The following MEI4 variants were observed in gnomAD, a reference collection of about 807,000 sequenced individuals.
The protein encoded by MEI4 is meiotic double-stranded break formation protein 4.
MEI4 carries 27 observed loss-of-function variants against 31.4 expected under a neutral mutation model. The ratio of observed to expected loss-of-function variants is 0.86; its 90% CI spans 0.63 to 1.19. The LOEUF is 1.19. Among genes scored for constraint, MEI4 ranks in the 50% most tolerant of loss-of-function variants. MEI4 has a pLI of 0.00. For synonymous variants in MEI4, 122 were observed against 145.4 expected, an observed-to-expected ratio of 0.84 and a Z score of 1.16; for missense variants, 329 against 398.9, an observed-to-expected ratio of 0.82 and a Z score of 1.49.
Position 77,696,034 on chromosome 6 carries a change from TG to T in MEI4, c.232+5134del, listed in dbSNP as rs1766027587. ...TTATTCTCTTTGAAGCAATTGTGAA[TG>T]GGAGTTCACTCATGATTCGGCTCTC... On this transcript the variant is annotated intron_variant, in intron 2 of 4. Transcript: ENST00000684080. 3.9e-5 allele frequency among the ~76,000 whole-genome samples: 6 copies of T among 152,312 alleles called. No individual in the cohort carries two copies. In the South Asian group the frequency reaches 1.2e-3, roughly 32 times the overall value.
intron 2 of MEI4, among the ~76,000 whole-genome samples, chr6:77,744,697 A>G (rs2127674459): frequency 6.6e-6 from 1 of 152,314 alleles, no homozygotes; most frequent in African/African-American, 2.4e-5. Flanking sequence ...ATGAAGGAAA[A>G]ATTGTTAAGG....
intron 3 of MEI4, among the ~76,000 whole-genome samples, chr6:77,768,087 T>C (rs967131327): frequency 2.6e-5 from 4 of 152,182 alleles, no homozygotes; most frequent in Middle Eastern, 3.2e-3. Context: ...CTTCAGTTTA[T>C]AGATGAGAAA....
chr6:77,678,028 T>G (rs1768876858), intron 1 of MEI4, among the ~76,000 whole-genome samples: 1 of 152,154 alleles, frequency 6.6e-6, no homozygotes, highest in Non-Finnish European at 1.5e-5. Flanking sequence ...ATTTTCATGG[T>G]TTTAAACAAT....
chr6:77,891,851 G>A (rs949425522), intron 4 of MEI4, among the ~76,000 whole-genome samples: 2 of 152,200 alleles, frequency 1.3e-5, no homozygotes, highest in Non-Finnish European at 2.9e-5. Flanking sequence ...GGTATGCACA[G>A]TAGGTTAAAT....
intron 3 of MEI4, among the ~76,000 whole-genome samples, chr6:77,822,442 C>T (rs555118046): frequency 3.3e-5 from 5 of 152,238 alleles, no homozygotes; most frequent in African/African-American, 9.6e-5. Context: ...ACGTAATGGT[C>T]TAATTCTACT....
intron 1 of MEI4, among the ~76,000 whole-genome samples, chr6:77,684,993 C>G (rs1254854329): frequency 6.6e-6 from 1 of 152,150 alleles, no homozygotes; most frequent in Non-Finnish European, 1.5e-5. Context: ...TCCCTTTTCT[C>G]CACATCCTCA....
intron 3 of MEI4, among the ~76,000 whole-genome samples, chr6:77,799,053 C>T (rs1345131431): frequency 6.1e-4 from 93 of 152,012 alleles, no homozygotes; most frequent in African/African-American, 1.8e-3. Context: ...TTCTAGATCC[C>T]TGAGGAATCA....
chr6:77,891,450 C>G (rs1207461323), intron 4 of MEI4, among the ~76,000 whole-genome samples: 2 of 152,018 alleles, frequency 1.3e-5, no homozygotes, highest in Non-Finnish European at 2.9e-5. Flanking sequence ...ATCTCTAGTT[C>G]CAGTATTTCA....
chr6:77,680,295 A>T (rs36006271), intron 1 of MEI4, among the ~76,000 whole-genome samples: 43,416 of 151,080 alleles, frequency 0.29, 7,034 homozygotes, highest in South Asian at 0.39. Flanking sequence ...AAATAAAAAA[A>T]AAATAAAAGG....
rs746274444 is a variant in MEI4 at position 77,922,377 on chromosome 6, A to ACTAT, written c.901-709_901-706dup. Among the ~76,000 whole-genome samples, 348 of 151,830 alleles carry ACTAT rather than the reference A, an allele frequency of 2.3e-3. 1 individual carries two copies. Among genetic ancestry groups the ACTAT allele is most frequent in the Non-Finnish European group, 4.0e-3 (268 of 67,790 alleles). ...TTCCTTGACTGTGGAATAGTGATAAACTATCTGCTCACCTCATAGGGCTTC... is the reference window on the plus strand; with the variant it reads ...TTCCTTGACTGTGGAATAGTGATAAACTATCTATCTGCTCACCTCATAGGGCTTC... On this transcript the variant is annotated intron_variant, in intron 4 of 4. Coordinates refer to ENST00000684080, the MANE Select transcript of MEI4 (RefSeq NM_001322247.2).
intron 4 of MEI4, among the ~76,000 whole-genome samples, chr6:77,907,279 C>G (rs770524715): frequency 6.6e-6 from 1 of 151,952 alleles, no homozygotes; most frequent in Non-Finnish European, 1.5e-5. Flanking sequence ...AAATGCTATC[C>G]CTTCCCCCTC....
At chr6:77,652,962 G>A (rs1184990881), upstream of MEI4, among the ~76,000 whole-genome samples, 2 of 152,180 alleles carry the variant, frequency 1.3e-5, no homozygotes, top group Non-Finnish European at 1.5e-5. Flanking sequence ...ATCAAGGAAG[G>A]AATTTTCAAG....
At position 77,669,685 on chromosome 6, in the gene MEI4, C is replaced by G. The variant is rs538821329; in HGVS notation, c.-15+16593C>G. ...TACACATCCTCCTAAATATACGTGT[C>G]TGTATCGTAATAGCTAAACTTTGCA... On this transcript the variant is annotated intron_variant, in intron 1 of 4. Transcript: ENST00000684080. 8.5e-5 allele frequency among the ~76,000 whole-genome samples: 13 copies of G among 152,308 alleles called. No individual in the cohort carries two copies. The South Asian group carries it at 2.7e-3, about 32-fold the overall frequency.
chr6:77,818,292 T>C (rs1160828859), intron 3 of MEI4, among the ~76,000 whole-genome samples: 1 of 152,176 alleles, frequency 6.6e-6, no homozygotes, highest in Non-Finnish European at 1.5e-5. Flanking sequence ...AGAGAATCTT[T>C]CAAAATAGAA....
intron 4 of MEI4, among the ~76,000 whole-genome samples, chr6:77,911,082 T>C (rs1389736503): frequency 6.6e-6 from 1 of 152,096 alleles, no homozygotes; most frequent in Non-Finnish European, 1.5e-5. Flanking sequence ...GGCATGTTGG[T>C]TCATGTCCTT....
chr6:77,876,459 A>T (rs537441736), intron 4 of MEI4, among the ~76,000 whole-genome samples: 2 of 152,250 alleles, frequency 1.3e-5, no homozygotes, highest in East Asian at 3.9e-4. Flanking sequence ...CCTTCACCAG[A>T]TGCTGGCACC....
chr6:77,729,149 C>T lies in MEI4; in HGVS notation c.233-31981C>T, dbSNP rs932511645. Among the ~76,000 whole-genome samples the T allele has an allele frequency of 3.9e-5, 6 of 152,236 alleles. No homozygotes were observed. The East Asian group carries it at 1.2e-3, about 29-fold the overall frequency. On this transcript the variant is annotated intron_variant, in intron 2 of 4. Coordinates refer to ENST00000684080, the MANE Select transcript of MEI4 (RefSeq NM_001322247.2). Reference sequence around the variant, plus strand: ...AAGTAGGAAGACATTCTTGGAGTCACAAAGGTGAGAGTGGAGGTGGGATAA... The same window carrying T: ...AAGTAGGAAGACATTCTTGGAGTCATAAAGGTGAGAGTGGAGGTGGGATAA...
chr6:77,912,597 G>A (rs1222579768), intron 4 of MEI4, among the ~76,000 whole-genome samples: 1 of 151,926 alleles, frequency 6.6e-6, no homozygotes, highest in Non-Finnish European at 1.5e-5. Flanking sequence ...TTACCATCTT[G>A]ATATCTTTCT....
chr6:77,907,746 C>T (rs879010727), intron 4 of MEI4, among the ~76,000 whole-genome samples: 1 of 152,176 alleles, frequency 6.6e-6, no homozygotes, highest in Non-Finnish European at 1.5e-5. Context: ...AATGGTTGAA[C>T]TACTTTACAG....
Sources: gnomAD v4.1 joint callset for allele counts (sites outside exome capture counted in the v4.1 genomes callset) on GRCh38, gnomAD v4.1.1 for gene constraint, MANE v1.5 for transcripts, NCBI Gene and HGNC (gene_info 2026-07-23, HGNC 2026-07-21) for gene names.